Variants in GABRB3 observed in about 807,000 individuals in gnomAD.
GABRB3 encodes the protein gamma-aminobutyric acid type A receptor subunit beta3, also known as gamma-aminobutyric acid receptor subunit beta-3.
A neutral mutation model predicts 52.1 loss-of-function variants in GABRB3; 14 were observed. The ratio of observed to expected loss-of-function variants is 0.27; its 90% CI spans 0.18 to 0.42. GABRB3 has a LOEUF of 0.42. GABRB3 is among the 10% of genes least tolerant of loss of function. GABRB3 has a pLI of 1.00. For synonymous variants in GABRB3, 260 were observed against 232.3 expected, an observed-to-expected ratio of 1.12 and a Z score of -1.08; for missense variants, 307 against 609.1, an observed-to-expected ratio of 0.50 and a Z score of 5.22.
chr15:26,689,476 G>C (rs1016854347), intron 3 of GABRB3, among the ~76,000 whole-genome samples: 1 of 152,116 alleles, frequency 6.6e-6, no homozygotes, highest in Non-Finnish European at 1.5e-5. Context: ...AAGTAAACAT[G>C]TTTATTAAGC....
At chr15:26,712,311 C>A (rs1889325136) in intron 3 of GABRB3, among the ~76,000 whole-genome samples, 1 of 151,944 alleles carries the variant, frequency 6.6e-6, no homozygotes, top group Non-Finnish European at 1.5e-5. Flanking sequence ...ACCATGCCTG[C>A]CCATATCAGT....
rs1889191206 is a variant in GABRB3, at chr15:26,545,279, A to C, written c.*2514T>G. 6.6e-6 allele frequency: 1 copy of C among 152,348 alleles called. No homozygotes were observed. Among genetic ancestry groups the C allele is most frequent in the African/African-American group, 2.4e-5 (1 of 41,316 alleles). 9.4% of individuals were successfully genotyped at this position (152,348 alleles called of 1,614,324 possible). On this transcript the variant is annotated 3_prime_UTR_variant, in exon 9 of 9. Coordinates refer to ENST00000311550, the MANE Select transcript of GABRB3 (RefSeq NM_000814.6). ...TGTTAACTTCATCGCAGTGTCTACA[A>C]AGTTGTGGATCCCAGTCTTGGTGCC...
At chr15:26,738,257 A>G (rs2013025) in intron 3 of GABRB3, among the ~76,000 whole-genome samples, 66,040 of 151,778 alleles carry the variant, frequency 0.44, 16,463 homozygotes, top group Admixed American at 0.59. Flanking sequence ...TAATATTTGT[A>G]TTTTTAGTAG....
intron 3 of GABRB3, among the ~76,000 whole-genome samples, chr15:26,720,175 A>C (rs1889606578): frequency 6.8e-6 from 1 of 146,988 alleles, no homozygotes; most frequent in Non-Finnish European, 1.5e-5. Flanking sequence ...CCCCCCTTTG[A>C]CTGTAATTTT....
intron 3 of GABRB3, among the ~76,000 whole-genome samples, chr15:26,740,764 C>T (rs1270288418): frequency 1.3e-5 from 2 of 152,154 alleles, no homozygotes; most frequent in Admixed American, 6.5e-5. Flanking sequence ...GTTTTGGTGG[C>T]CCCACGTTGT....
intron 4 of GABRB3, chr15:26,590,082 C>T (rs1490622171): frequency 6.6e-6 from 1 of 152,114 alleles, no homozygotes; most frequent in Non-Finnish European, 1.5e-5. Flanking sequence ...TTTTTATGGT[C>T]AAGTGGTCTC....
intron 6 of GABRB3, among the ~76,000 whole-genome samples, chr15:26,579,493 T>G (rs1227895780): frequency 6.6e-6 from 1 of 152,228 alleles, no homozygotes; most frequent in Non-Finnish European, 1.5e-5. Context: ...TTCACTGGCT[T>G]CATGGTTGTC....
rs150390129 is a variant in GABRB3 at position 26,621,590 on chromosome 15, C to T, written c.241-56G>A. 1,768 of 1,433,338 alleles carry T rather than the reference C, an allele frequency of 1.2e-3. 12 individuals are homozygous for T. In the African/African-American group the frequency reaches 0.018, roughly 15 times the overall value. The allele number at this position is 1,433,338 out of a possible 1,614,324, so 88.8% of individuals were successfully genotyped here. A position where few individuals can be genotyped will look rare whatever the true frequency, so the allele number is the denominator to read the frequency against. On this transcript the variant is annotated intron_variant, in intron 3 of 8. Transcript: ENST00000311550. This position sits in a 1 kb window ranked among gnomAD's most constrained non-coding sequence, Gnocchi z 4.1. ...TTTGTACCCAGCCACAGGTGTATTT[C>T]CTCCACGACCAGCCAAATTCAGGTT...
chr15:26,649,662 G>A (rs1427717743), intron 3 of GABRB3, among the ~76,000 whole-genome samples: 2 of 149,838 alleles, frequency 1.3e-5, no homozygotes, highest in Non-Finnish European at 3.0e-5. Flanking sequence ...CCAAGGCTGT[G>A]TGTGTGTGTG....
At chr15:26,722,139 T>C (rs1889657689) in intron 3 of GABRB3, among the ~76,000 whole-genome samples, 1 of 152,152 alleles carries the variant, frequency 6.6e-6, no homozygotes, top group South Asian at 2.1e-4. Flanking sequence ...TGCTCAGATA[T>C]AGTTTGCCCC....
intron 3 of GABRB3, among the ~76,000 whole-genome samples, chr15:26,671,087 C>T (rs1887885153): frequency 6.6e-6 from 1 of 151,986 alleles, no homozygotes; most frequent in African/African-American, 2.4e-5. Context: ...CCCTACGCCA[C>T]TTAAGGAAGT....
chr15:26,580,326 G>A lies in GABRB3; in HGVS notation c.675C>T (p.Phe225=), dbSNP rs201004195. The A allele has an allele frequency of 1.1e-4, 181 of 1,614,012 alleles. No homozygotes were observed. Among genetic ancestry groups the A allele is most frequent in the Middle Eastern group, 6.6e-4 (4 of 6,084 alleles). Residue 225 remains phenylalanine (F), a synonymous_variant, in exon 6 of 9, where the codon TTC becomes TTT. Transcript: ENST00000311550. The stretch of plus-strand genomic sequence containing the variant: ...AGTGGATGCAGGACTCACCTGTGGC[G>A]AAGACAACATTCCTCGAGACCAGAC... ...EHRLVSRNVV[F]ATGAYPRLSL...
At chr15:26,615,399 C>T (rs569465778) in intron 4 of GABRB3, 10 of 985,766 alleles carry the variant, frequency 1.0e-5, no homozygotes, top group Non-Finnish European at 1.2e-5. Context: ...CTCAGTTCAC[C>T]GTCATATTCA....
At chr15:26,580,533 A>G (rs763597318) in intron 5 of GABRB3, 77 bp from the exon 6 acceptor site, 8 of 1,582,372 alleles carry the variant, frequency 5.1e-6, no homozygotes, top group Non-Finnish European at 6.9e-6. Flanking sequence ...TATCATTAAC[A>G]TGGAGGTTGC....
intron 3 of GABRB3, among the ~76,000 whole-genome samples, chr15:26,749,262 A>T (rs1026626367): frequency 1.3e-5 from 2 of 151,542 alleles, no homozygotes; most frequent in Non-Finnish European, 2.9e-5. Flanking sequence ...ATTTTCTTTG[A>T]GACTTTCTCT....
intron 3 of GABRB3, among the ~76,000 whole-genome samples, chr15:26,674,456 A>AAAGGAAAG (rs1254790798): frequency 3.8e-4 from 38 of 99,802 alleles, no homozygotes; most frequent in Non-Finnish European, 4.9e-4. Flanking sequence ...GGAAAGGAAA[A>AAAGGAAAG]GAAAAGAAAA....
chr15:26,601,010 G>C (rs552323214), intron 4 of GABRB3, among the ~76,000 whole-genome samples: 1 of 152,132 alleles, frequency 6.6e-6, no homozygotes, highest in Non-Finnish European at 1.5e-5. Flanking sequence ...GTGTACAGTC[G>C]TATGTAATCA....
At chr15:26,554,175 A>AATATATATATATATATATATAT (rs1397152466) in intron 8 of GABRB3, among the ~76,000 whole-genome samples, 2 of 14,254 alleles carry the variant, frequency 1.4e-4, no homozygotes, top group Non-Finnish European at 4.1e-4. Context: ...ATATATATAA[A>AATATATATATATATATATATAT]GTATATATAT....
At chr15:26,706,268 C>A (rs1039789980) in intron 3 of GABRB3, among the ~76,000 whole-genome samples, 3 of 152,144 alleles carry the variant, frequency 2.0e-5, no homozygotes, top group African/African-American at 7.2e-5. Context: ...CCGCCTCATG[C>A]AACGAAACAA....
Sources: gnomAD v4.1 joint callset for allele counts (sites outside exome capture counted in the v4.1 genomes callset) on GRCh38, gnomAD v4.1.1 for gene constraint, Gnocchi (gnomAD v3.1) non-coding constraint, MANE v1.5 for transcripts, NCBI Gene and HGNC (gene_info 2026-07-23, HGNC 2026-07-21) for gene names.